The following GNB1 variants were observed in gnomAD, a reference collection of about 807,000 sequenced individuals.
The protein encoded by GNB1 is guanine nucleotide-binding protein G(I)/G(S)/G(T) subunit beta-1.
GNB1 carries 2 observed loss-of-function variants against 42.9 expected under a neutral mutation model. The ratio of observed to expected loss-of-function variants is 0.05; its 90% CI spans 0.02 to 0.15. GNB1 has a LOEUF of 0.15. Among genes scored for constraint, GNB1 ranks in the 10% least tolerant of loss-of-function variants. The probability of loss-of-function intolerance (pLI) is 1.00; values close to 1 mark genes in which losing one functional copy is unlikely to be tolerated. For missense variants in GNB1, 193 were observed against 462.2 expected (o/e 0.42, Z 5.34); for synonymous variants, 183 against 174.7 (o/e 1.05, Z -0.38).
At chr1:1,842,607 G>T (rs948393056) in intron 1 of GNB1, among the ~76,000 whole-genome samples, 2 of 152,118 alleles carry the variant, frequency 1.3e-5, no homozygotes, top group African/African-American at 4.8e-5. Context: ...GGTTGCCAGG[G>T]GCTGCATGTG....
intron 1 of GNB1, among the ~76,000 whole-genome samples, chr1:1,853,942 C>A (rs914904744): frequency 5.9e-5 from 9 of 152,066 alleles, no homozygotes. Flanking sequence ...AAACATTTAA[C>A]AATAAAGTGG....
chr1:1,846,179 A>G (rs1647655233), intron 1 of GNB1, among the ~76,000 whole-genome samples: 1 of 152,174 alleles, frequency 6.6e-6, no homozygotes, highest in Admixed American at 6.6e-5. Context: ...GGATCTAAAA[A>G]AAGAACACAC....
At chr1:1,798,015 C>T (rs961799920) in intron 7 of GNB1, among the ~76,000 whole-genome samples, 62 of 152,372 alleles carry the variant, frequency 4.1e-4, no homozygotes, top group African/African-American at 1.5e-3. Context: ...GAGGGACAGG[C>T]TCAGCCTAGA....
chr1:1,809,575 T>A (rs183651976), intron 5 of GNB1, among the ~76,000 whole-genome samples: 72 of 152,346 alleles, frequency 4.7e-4, no homozygotes, highest in Admixed American at 4.6e-3. Flanking sequence ...CCAGCCCTTC[T>A]GAGACTTTCT....
chr1:1,817,698 C>G, intron 4 of GNB1, 139 bp downstream of exon 4: 1 of 583,110 alleles, frequency 1.7e-6, no homozygotes, highest in Non-Finnish European at 3.1e-6. Flanking sequence ...ATCAGAATGA[C>G]TTCTTAATAA....
chr1:1,883,435 C>T (rs1417552059), intron 1 of GNB1, among the ~76,000 whole-genome samples: 1 of 151,896 alleles, frequency 6.6e-6, no homozygotes, highest in Non-Finnish European at 1.5e-5. Flanking sequence ...CTTCTGGAAC[C>T]ATGGAGAAAA....
At chr1:1,869,950 C>T (rs1272263960) in intron 1 of GNB1, among the ~76,000 whole-genome samples, 2 of 152,128 alleles carry the variant, frequency 1.3e-5, no homozygotes, top group African/African-American at 4.8e-5. Flanking sequence ...GCAACCTCCA[C>T]CTCCTGGGTT....
intron 1 of GNB1, chr1:1,890,539 C>A (rs1441906540): frequency 6.7e-6 from 1 of 149,264 alleles, no homozygotes; most frequent in Non-Finnish European, 1.5e-5. Context: ...GAAGCGCCCG[C>A]GGCGCACACA....
chr1:1,890,421 C>T (rs1218510285), intron 1 of GNB1: 2 of 150,400 alleles, frequency 1.3e-5, no homozygotes, highest in Non-Finnish European at 3.0e-5. Flanking sequence ...CCTGCAGGCC[C>T]GCCCGGCCTT....
At chr1:1,884,375 G>A (rs768140691) in intron 1 of GNB1, among the ~76,000 whole-genome samples, 3 of 151,506 alleles carry the variant, frequency 2.0e-5, no homozygotes, top group Non-Finnish European at 2.9e-5. Flanking sequence ...CCGCGTCTGG[G>A]CTAATTTTGT....
intron 1 of GNB1, among the ~76,000 whole-genome samples, chr1:1,844,718 C>T (rs1647528202): frequency 6.6e-6 from 1 of 152,284 alleles, no homozygotes; most frequent in Non-Finnish European, 1.5e-5. Context: ...ATACCCAAAC[C>T]AGAATAGGAC....
intron 6 of GNB1, among the ~76,000 whole-genome samples, chr1:1,805,997 T>C (rs1233853120): frequency 1.3e-5 from 2 of 152,244 alleles, no homozygotes; most frequent in Non-Finnish European, 2.9e-5. Context: ...ATCTTTTACA[T>C]ACATGTTTGG....
intron 1 of GNB1, among the ~76,000 whole-genome samples, chr1:1,874,328 G>A (rs1420741646): frequency 6.6e-6 from 1 of 152,072 alleles, no homozygotes; most frequent in Non-Finnish European, 1.5e-5. Flanking sequence ...AATTAGGCCG[G>A]GCGTGGTGGC....
chr1:1,827,597 A>AT (rs1557908047), intron 2 of GNB1, among the ~76,000 whole-genome samples: 2 of 152,156 alleles, frequency 1.3e-5, no homozygotes, highest in Non-Finnish European at 2.9e-5. Context: ...TGATTTGTGG[A>AT]CGTTAATGTG....
At chr1:1,811,861 C>T (rs1039929492) in intron 5 of GNB1, among the ~76,000 whole-genome samples, 10 of 151,642 alleles carry the variant, frequency 6.6e-5, no homozygotes, top group Admixed American at 1.3e-4. Flanking sequence ...GTCAGGAGAT[C>T]GAGACCATCC....
chr1:1,842,007 C>CAGCTATA (rs1408870968), intron 1 of GNB1, among the ~76,000 whole-genome samples: 1 of 152,232 alleles, frequency 6.6e-6, no homozygotes, highest in Non-Finnish European at 1.5e-5. Context: ...GAATATTATT[C>CAGCTATA]AGCTATAAAG....
intron 1 of GNB1, among the ~76,000 whole-genome samples, chr1:1,843,275 A>G (rs975841263): frequency 3.3e-5 from 5 of 152,190 alleles, no homozygotes; most frequent in African/African-American, 1.2e-4. Flanking sequence ...TCTGGAGTAC[A>G]GTGGCACAAT....
intron 3 of GNB1, among the ~76,000 whole-genome samples, chr1:1,823,309 G>A (rs1363706698): frequency 6.6e-6 from 1 of 151,158 alleles, no homozygotes; most frequent in East Asian, 1.9e-4. Flanking sequence ...AAAGCAGGTG[G>A]TAAAGAGCTG....
At chr1:1,888,236 A>G (rs532627869) in intron 1 of GNB1, among the ~76,000 whole-genome samples, 8 of 152,246 alleles carry the variant, frequency 5.3e-5, no homozygotes, top group East Asian at 1.9e-4. Flanking sequence ...AGTTTCCTCT[A>G]TAAGACTCAT....
Sources: allele counts gnomAD v4.1 joint callset (sites outside exome capture counted in the v4.1 genomes callset), GRCh38; gene constraint gnomAD v4.1.1; transcripts MANE v1.5; gene names NCBI Gene and HGNC (gene_info 2026-07-23, HGNC 2026-07-21).